Variants in AGBL1 observed in about 807,000 individuals in gnomAD.
AGBL1 encodes AGBL carboxypeptidase 1.
Under a neutral mutation model 118.9 loss-of-function variants are expected in AGBL1, and 130 were observed. The observed-to-expected ratio is 1.09, with a 90% CI of 0.95 to 1.26. AGBL1 has a LOEUF of 1.26. Among genes scored for constraint, AGBL1 ranks in the 50% most tolerant of loss-of-function variants. The pLI is 0.00. For synonymous variants in AGBL1, 555 were observed against 478.9 expected, an observed-to-expected ratio of 1.16 and a Z score of -2.08; for missense variants, 1,584 against 1,298.1, an observed-to-expected ratio of 1.22 and a Z score of -3.38.
At chr15:86,329,422 G>A (rs924558095) in intron 17 of AGBL1, among the ~76,000 whole-genome samples, 9 of 151,874 alleles carry the variant, frequency 5.9e-5, no homozygotes, top group Non-Finnish European at 8.8e-5. Flanking sequence ...TGCATAGATT[G>A]TGGTGCAGAG....
intron 18 of AGBL1, among the ~76,000 whole-genome samples, chr15:86,473,867 C>G (rs564731394): frequency 6.6e-6 from 1 of 152,030 alleles, no homozygotes; most frequent in South Asian, 2.1e-4. Context: ...GGAAATTTTC[C>G]TTGTTTTTGA....
In AGBL1 at chr15:87,012,282, C is replaced by G. The variant is rs147060494; in HGVS notation, c.3324-16543C>G. ...AAGCTAGGTTAAAAAAAAAATCCAA[C>G]AAGAATGTAGTAACATAAAGCTAAT... On this transcript the variant is annotated intron_variant, in intron 24 of 24. Coordinates refer to the AGBL1 transcript ENST00000441037. Among the ~76,000 whole-genome samples the G allele has an allele frequency of 2.0e-5, 3 of 149,112 alleles. No individual in the cohort carries two copies. In the East Asian group the frequency reaches 5.9e-4, roughly 29 times the overall value.
chr15:87,013,531 T>C (rs894863004), intron 24 of AGBL1, among the ~76,000 whole-genome samples: 4 of 53,394 alleles, frequency 7.5e-5, no homozygotes, highest in South Asian at 6.7e-3. Flanking sequence ...TGTTTTTGAA[T>C]AGTTTTTTTT....
At chr15:86,599,165 G>T (rs1417024098) in intron 21 of AGBL1, among the ~76,000 whole-genome samples, 1 of 152,080 alleles carries the variant, frequency 6.6e-6, no homozygotes, top group Non-Finnish European at 1.5e-5. Flanking sequence ...TTTTTTAAAA[G>T]TTTACTAAGT....
intron 22 of AGBL1, among the ~76,000 whole-genome samples, chr15:86,765,348 G>T (rs2078081449): frequency 6.6e-6 from 1 of 152,062 alleles, no homozygotes; most frequent in East Asian, 1.9e-4. Context: ...AGATATGTTT[G>T]TTAAGGCCCT....
At chr15:86,939,666 G>A (rs1341143024) in intron 23 of AGBL1, 3 of 152,146 alleles carry the variant, frequency 2.0e-5, no homozygotes, top group Non-Finnish European at 4.4e-5. Context: ...CTCCTCAAAG[G>A]CTAACGTGAT....
chr15:86,277,353 G>A (rs1274997340), intron 15 of AGBL1, among the ~76,000 whole-genome samples: 1 of 151,200 alleles, frequency 6.6e-6, no homozygotes, highest in African/African-American at 2.4e-5. Context: ...TTGGTGGTGT[G>A]AGAAGACAGA....
At chr15:86,855,832 T>C (rs1409346390) in intron 22 of AGBL1, among the ~76,000 whole-genome samples, 1 of 152,172 alleles carries the variant, frequency 6.6e-6, no homozygotes, top group African/African-American at 2.4e-5. Context: ...TGCCAAGGAT[T>C]CTCTCCTCAT....
intron 21 of AGBL1, among the ~76,000 whole-genome samples, chr15:86,646,274 G>A (rs1408724316): frequency 1.3e-5 from 2 of 152,100 alleles, no homozygotes; most frequent in Non-Finnish European, 2.9e-5. Context: ...TTTGCACGGC[G>A]GCAGTAACAA....
At chr15:86,661,472 T>G (rs891696148) in intron 21 of AGBL1, among the ~76,000 whole-genome samples, 17 of 151,882 alleles carry the variant, frequency 1.1e-4, no homozygotes, top group African/African-American at 3.9e-4. Context: ...CACAATTATT[T>G]GCTGGAGATA....
chr15:86,449,168 G>T (rs1386316123), intron 18 of AGBL1, among the ~76,000 whole-genome samples: 7 of 152,138 alleles, frequency 4.6e-5, no homozygotes, highest in Admixed American at 4.6e-4. Context: ...ATAGAGATAG[G>T]CTGGTCAAGG....
At chr15:86,981,888 G>A (rs1032231825) in intron 23 of AGBL1, among the ~76,000 whole-genome samples, 2 of 152,158 alleles carry the variant, frequency 1.3e-5, no homozygotes, top group Non-Finnish European at 2.9e-5. Context: ...GTGGATCTTA[G>A]TCCAGCAGAA....
chr15:86,492,587 CA>C (rs1360241747), intron 18 of AGBL1, among the ~76,000 whole-genome samples: 2 of 83,552 alleles, frequency 2.4e-5, no homozygotes, highest in African/African-American at 4.6e-5. Flanking sequence ...GAGACTCTAT[CA>C]AAAAAAAGAA....
intron 22 of AGBL1, among the ~76,000 whole-genome samples, chr15:86,774,841 A>C (rs1469133020): frequency 6.6e-6 from 1 of 152,122 alleles, no homozygotes; most frequent in Non-Finnish European, 1.5e-5. Flanking sequence ...GAAGTATAAG[A>C]AATGAAGTGG....
chr15:86,086,951 G>A (rs959961194), intron 1 of AGBL1, among the ~76,000 whole-genome samples: 2 of 152,210 alleles, frequency 1.3e-5, no homozygotes, highest in East Asian at 3.8e-4. Flanking sequence ...GTGAACAAAT[G>A]TATGCCTGTC....
At chr15:86,765,857 T>C (rs1326746217) in intron 22 of AGBL1, among the ~76,000 whole-genome samples, 1 of 151,880 alleles carries the variant, frequency 6.6e-6, no homozygotes, top group African/African-American at 2.4e-5. Context: ...ACATGACATA[T>C]GGTGGTTTCA....
chr15:86,319,702 G>A (rs1005313375), intron 17 of AGBL1, among the ~76,000 whole-genome samples: 5 of 146,724 alleles, frequency 3.4e-5, no homozygotes, highest in South Asian at 4.3e-4. Flanking sequence ...TACCTCGTGG[G>A]GAAGTCTTGT....
chr15:86,097,537 T>TTA (rs1896458120), intron 1 of AGBL1, among the ~76,000 whole-genome samples: 1 of 143,796 alleles, frequency 7.0e-6, no homozygotes, highest in South Asian at 2.5e-4. Context: ...GAGATCCACT[T>TTA]TTTTTTTTTT....
chr15:86,097,383 C>T (rs1424766250), intron 1 of AGBL1, among the ~76,000 whole-genome samples: 1 of 151,924 alleles, frequency 6.6e-6, no homozygotes, highest in African/African-American at 2.4e-5. Flanking sequence ...TGTAGTCATC[C>T]CACTCTCCTA....
Sources: gnomAD v4.1 joint callset for allele counts (sites outside exome capture counted in the v4.1 genomes callset) on GRCh38, gnomAD v4.1.1 for gene constraint, MANE v1.5 for transcripts, NCBI Gene and HGNC (gene_info 2026-07-23, HGNC 2026-07-21) for gene names.